KLF7: variants seen among roughly 807,000 people sequenced by gnomAD.
KLF7 encodes Krueppel-like factor 7.
A neutral mutation model predicts 27.3 loss-of-function variants in KLF7; 2 were observed. The observed-to-expected ratio is 0.07, with a 90% CI of 0.03 to 0.23. The LOEUF (loss-of-function observed/expected upper bound fraction) is 0.23, where lower values mean the gene tolerates loss of function less well. KLF7 is among the 10% of genes least tolerant of loss of function. The pLI is 1.00. For missense variants in KLF7, 221 were observed against 394.1 expected, an observed-to-expected ratio of 0.56 and a Z score of 3.72; for synonymous variants, 165 against 162.4, an observed-to-expected ratio of 1.02 and a Z score of -0.12.
At chr2:207,093,239 G>C (rs560565616) in intron 2 of KLF7, among the ~76,000 whole-genome samples, 3 of 152,304 alleles carry the variant, frequency 2.0e-5, no homozygotes, top group African/African-American at 7.2e-5. Context: ...AAAAGGTTAA[G>C]ATGAAATTAA....
chr2:207,158,985 C>A (rs1339985041), intron 1 of KLF7, among the ~76,000 whole-genome samples: 1 of 152,194 alleles, frequency 6.6e-6, no homozygotes, highest in Non-Finnish European at 1.5e-5. Context: ...AATGCCTCAT[C>A]TGGCTTTAAC....
intron 2 of KLF7, among the ~76,000 whole-genome samples, chr2:207,106,822 G>A (rs1044885459): frequency 3.3e-5 from 5 of 152,162 alleles, no homozygotes; most frequent in African/African-American, 1.2e-4. Flanking sequence ...AGAGTGGGAT[G>A]GAGTGGGGTG....
chr2:207,088,728 T>A (rs2076445263), intron 2 of KLF7, 147 bp from the exon 3 acceptor site: 2 of 821,972 alleles, frequency 2.4e-6, no homozygotes. Flanking sequence ...AGTATACCAC[T>A]GTCTTTTGGG....
At chr2:207,102,240 T>G (rs937326574) in intron 2 of KLF7, among the ~76,000 whole-genome samples, 3 of 151,674 alleles carry the variant, frequency 2.0e-5, no homozygotes, top group African/African-American at 7.3e-5. Flanking sequence ...CCACACAATC[T>G]GTCATCCTAT....
chr2:207,142,531 A>G (rs1219075946), intron 1 of KLF7, among the ~76,000 whole-genome samples: 2 of 152,254 alleles, frequency 1.3e-5, no homozygotes, highest in African/African-American at 4.8e-5. Context: ...AACACAGCAC[A>G]TGCGACTAAG....
upstream of KLF7, among the ~76,000 whole-genome samples, chr2:207,169,454 A>G (rs914853534): frequency 6.6e-6 from 1 of 152,198 alleles, no homozygotes; most frequent in African/African-American, 2.4e-5. Flanking sequence ...TAAAGCTGGG[A>G]CCAAATTTCA....
At chr2:207,138,417 G>T (rs767028035) in intron 1 of KLF7, among the ~76,000 whole-genome samples, 11 of 152,168 alleles carry the variant, frequency 7.2e-5, no homozygotes, top group Non-Finnish European at 1.3e-4. Context: ...TACAATGAAG[G>T]TCAACTCCAC....
At chr2:207,145,925 C>CA (rs916211566) in intron 1 of KLF7, among the ~76,000 whole-genome samples, 1 of 152,178 alleles carries the variant, frequency 6.6e-6, no homozygotes, top group Admixed American at 6.5e-5. Context: ...GAAAGAGAAC[C>CA]AAAAAATCAC....
chr2:207,155,590 A>G (rs894689821), intron 1 of KLF7, among the ~76,000 whole-genome samples: 1 of 152,208 alleles, frequency 6.6e-6, no homozygotes, highest in African/African-American at 2.4e-5. Flanking sequence ...TCACAGAGGA[A>G]ATCATCTCTT....
chr2:207,125,365 C>T (rs1211775556), intron 1 of KLF7, among the ~76,000 whole-genome samples: 1 of 152,224 alleles, frequency 6.6e-6, no homozygotes, highest in Non-Finnish European at 1.5e-5. Context: ...AAAAATCCTA[C>T]AATTCCAGAA....
At chr2:207,166,969 C>G (rs756859810), upstream of KLF7, 1 of 835,968 alleles carries the variant, frequency 1.2e-6, no homozygotes, top group East Asian at 3.9e-5. Flanking sequence ...CCTCCCGCGC[C>G]TCCTTCTGAC....
In KLF7 at chr2:207,165,580, C is replaced by A; in HGVS notation, c.-12G>T. The stretch of plus-strand genomic sequence containing the variant: ...GCCAACACGTCCATGCTGCTGCTGC[C>A]GGGCAAAACGGGAGGCGAAACCCTC... On this transcript the variant is annotated 5_prime_UTR_variant, in exon 1 of 4. Transcript: ENST00000309446. 3 of 1,612,984 alleles carry A rather than the reference C, an allele frequency of 1.9e-6. No individual in the cohort carries two copies. Among genetic ancestry groups the A allele is most frequent in the South Asian group, 1.1e-5 (1 of 91,014 alleles).
At position 207,077,545 on chromosome 2, in the gene KLF7, A is replaced by C. The variant is rs997627412; in HGVS notation, c.*3668T>G. On this transcript the variant is annotated 3_prime_UTR_variant, in exon 4 of 4. Transcript: ENST00000309446. Reference sequence around the variant, plus strand: ...GCTTTGCAAGGGAAAGCACACAGAGAGGAGGAAATGGTCAGCATGAAGTTC... The same window carrying C: ...GCTTTGCAAGGGAAAGCACACAGAGCGGAGGAAATGGTCAGCATGAAGTTC... 2 of 152,214 alleles carry C rather than the reference A, an allele frequency of 1.3e-5. No individual in the cohort carries two copies. Among genetic ancestry groups the C allele is most frequent in the Non-Finnish European group, 2.9e-5 (2 of 68,052 alleles). The allele number at this position is 152,214 out of a possible 1,614,324, so 9.4% of individuals were successfully genotyped here. A position where few individuals can be genotyped will look rare whatever the true frequency, so the allele number is the denominator to read the frequency against.
chr2:207,168,067 C>T (rs558810181), upstream of KLF7, among the ~76,000 whole-genome samples: 118 of 142,546 alleles, frequency 8.3e-4, no homozygotes, highest in Non-Finnish European at 1.6e-3. Context: ...GGGGGATGGG[C>T]AGGAACCATT....
chr2:207,142,327 C>T (rs2077966076), intron 1 of KLF7, among the ~76,000 whole-genome samples: 1 of 152,136 alleles, frequency 6.6e-6, no homozygotes, highest in South Asian at 2.1e-4. Context: ...CCTGTTTGAA[C>T]TCTGATGGCC....
chr2:207,136,391 C>T (rs2077790453), intron 1 of KLF7, among the ~76,000 whole-genome samples: 1 of 152,112 alleles, frequency 6.6e-6, no homozygotes. Flanking sequence ...TCTCTCAGAG[C>T]CCTAGTAACT....
intron 2 of KLF7, among the ~76,000 whole-genome samples, chr2:207,095,030 TC>T (rs1463380884): frequency 7.9e-6 from 1 of 127,328 alleles, no homozygotes; most frequent in Non-Finnish European, 1.6e-5. Flanking sequence ...TTGTTTTTAT[TC>T]TTTTTTTTTT....
intron 1 of KLF7, among the ~76,000 whole-genome samples, chr2:207,141,816 T>C (rs374846365): frequency 1.3e-5 from 2 of 152,100 alleles, no homozygotes; most frequent in East Asian, 1.9e-4. Context: ...TGGATCCAAA[T>C]TATGGTATAA....
In KLF7 at chr2:207,078,663, G is replaced by C. The variant is rs2076216977; in HGVS notation, c.*2550C>G. ...TCATGCTGGAGGCTGCTACATAAAG[G>C]AAAAGAAAGGAACCAACAGAATTCA... On this transcript the variant is annotated 3_prime_UTR_variant, in exon 4 of 4. Coordinates refer to ENST00000309446, the MANE Select transcript of KLF7 (RefSeq NM_003709.4). 1 of 152,194 alleles carries C rather than the reference G, an allele frequency of 6.6e-6. No individual in the cohort carries two copies. Among genetic ancestry groups the C allele is most frequent in the East Asian group, 1.9e-4 (1 of 5,196 alleles). The allele number at this position is 152,194 out of a possible 1,614,324, so 9.4% of individuals were successfully genotyped here. A position where few individuals can be genotyped will look rare whatever the true frequency, so the allele number is the denominator to read the frequency against.
Sources: gnomAD v4.1 joint callset for allele counts (sites outside exome capture counted in the v4.1 genomes callset) on GRCh38, gnomAD v4.1.1 for gene constraint, MANE v1.5 for transcripts, NCBI Gene and HGNC (gene_info 2026-07-23, HGNC 2026-07-21) for gene names.